The following FHOD3 variants were observed in gnomAD, a reference collection of about 807,000 sequenced individuals.
FHOD3 encodes the protein formin homology 2 domain containing 3.
Under a neutral mutation model 173.0 loss-of-function variants are expected in FHOD3, and 90 were observed. The observed-to-expected ratio is 0.52, with a 90% CI of 0.44 to 0.62. The LOEUF (loss-of-function observed/expected upper bound fraction) is 0.62. Among genes scored for constraint, FHOD3 ranks in the 20% least tolerant of loss-of-function variants. The pLI is 0.00. For synonymous variants in FHOD3, 828 were observed against 823.0 expected (o/e 1.01, Z -0.10); for missense variants, 1,945 against 2,034.7 (o/e 0.96, Z 0.85).
chr18:36,376,884 A>T (rs2047467079), intron 3 of FHOD3, among the ~76,000 whole-genome samples: 1 of 152,234 alleles, frequency 6.6e-6, no homozygotes. Context: ...AGAGTAACAA[A>T]GGGGATTCAT....
At chr18:36,745,575 C>T (rs2042111779) in intron 23 of FHOD3, among the ~76,000 whole-genome samples, 1 of 152,114 alleles carries the variant, frequency 6.6e-6, no homozygotes, top group Admixed American at 6.5e-5. Context: ...AAGGGTGGGC[C>T]TGGAGGTCTG....
chr18:36,375,115 G>T (rs1568188662), intron 3 of FHOD3, among the ~76,000 whole-genome samples: 1 of 152,176 alleles, frequency 6.6e-6, no homozygotes, highest in Non-Finnish European at 1.5e-5. Context: ...TGTTGATGAA[G>T]TACCTTCCCC....
At chr18:36,432,236 TCTA>T (rs2050586049) in intron 3 of FHOD3, among the ~76,000 whole-genome samples, 1 of 152,214 alleles carries the variant, frequency 6.6e-6, no homozygotes, top group South Asian at 2.1e-4. Flanking sequence ...TAATTTAAAA[TCTA>T]CTATACAAAG....
At chr18:36,347,810 A>C (rs1345451193) in intron 1 of FHOD3, among the ~76,000 whole-genome samples, 1 of 152,250 alleles carries the variant, frequency 6.6e-6, no homozygotes, top group Non-Finnish European at 1.5e-5. Flanking sequence ...TTCTCTTAAG[A>C]AAATTGACCA....
At chr18:36,425,073 A>G (rs938138764) in intron 3 of FHOD3, among the ~76,000 whole-genome samples, 1 of 152,214 alleles carries the variant, frequency 6.6e-6, no homozygotes, top group Non-Finnish European at 1.5e-5. Flanking sequence ...TCTTGACTTA[A>G]TAAGGAAAGA....
In FHOD3 at chr18:36,709,322, G is replaced by A. The variant is rs61735998; in HGVS notation, c.2464G>A (p.Val822Ile). 1.1e-5 allele frequency: 17 copies of A among 1,614,116 alleles called. No homozygotes were observed. Among genetic ancestry groups the A allele is most frequent in the Admixed American group, 3.3e-5 (2 of 60,012 alleles). The change falls in exon 18 of 29, where the codon GTC becomes ATC. Residue 822 changes from valine to isoleucine, a missense_variant. Val to Ile is a conservative substitution (Grantham distance 29, BLOSUM62 3). Around this residue, in one of 5 missense-constraint regions of FHOD3, gnomAD observed 1,099 missense variants for 1,051.2 expected, o/e 1.05. Transcript: ENST00000590592. ...GAGGGACAACTGCTCTGCCTCCAGC[G>A]TCTCGTCCTCCAGCAGCACGTTGGA... is the stretch of plus-strand genomic sequence containing the variant. ...NERDNCSASS[V>I]SSSSSTLERE...
chr18:36,303,875 A>G (rs1005896594), intron 1 of FHOD3, among the ~76,000 whole-genome samples: 2 of 151,946 alleles, frequency 1.3e-5, no homozygotes, highest in Non-Finnish European at 2.9e-5. Context: ...TTGGGGGTGA[A>G]GGGGGAGCTG....
chr18:36,663,136 G>C (rs935454994), intron 14 of FHOD3, among the ~76,000 whole-genome samples: 1 of 151,724 alleles, frequency 6.6e-6, no homozygotes, highest in African/African-American at 2.4e-5. Flanking sequence ...TTTTTCTCCT[G>C]GTTTCTTCTA....
chr18:36,486,198 A>G (rs1476295060), intron 3 of FHOD3, among the ~76,000 whole-genome samples: 3 of 152,180 alleles, frequency 2.0e-5, no homozygotes, highest in Non-Finnish European at 4.4e-5. Flanking sequence ...GGTTCTGTCT[A>G]CATCCACCAC....
At chr18:36,477,855 A>G (rs1332206108) in intron 3 of FHOD3, among the ~76,000 whole-genome samples, 1 of 152,160 alleles carries the variant, frequency 6.6e-6, no homozygotes. Context: ...GTAAGGGAGC[A>G]AAGATGGCAG....
At chr18:36,314,762 C>T (rs919824952) in intron 1 of FHOD3, among the ~76,000 whole-genome samples, 1 of 152,164 alleles carries the variant, frequency 6.6e-6, no homozygotes, top group Non-Finnish European at 1.5e-5. Context: ...AAACCAGAGT[C>T]TATCTTTCAG....
chr18:36,530,985 G>A (rs955247818), intron 5 of FHOD3, among the ~76,000 whole-genome samples: 1 of 152,208 alleles, frequency 6.6e-6, no homozygotes, highest in Non-Finnish European at 1.5e-5. Flanking sequence ...TGGTCCCCAA[G>A]GGTCTTGCCT....
At chr18:36,760,857 G>T in intron 27 of FHOD3, 75 bp downstream of exon 27, 1 of 1,454,034 alleles carries the variant, frequency 6.9e-7, no homozygotes, top group Non-Finnish European at 9.2e-7. Flanking sequence ...CTCCATCGCA[G>T]GCTGCGGTCC....
At position 36,297,954 on chromosome 18, in the gene FHOD3, G is replaced by T. The variant is rs868485180; in HGVS notation, c.119G>T (p.Gly40Val). The T allele has an allele frequency of 2.2e-5, 35 of 1,565,524 alleles. No individual in the cohort carries two copies. Among genetic ancestry groups the T allele is most frequent in the Non-Finnish European group, 2.9e-5 (34 of 1,156,982 alleles). ...LFTFREDLAL[G>V]TQLAGVHRLL... ...ACGTTCCGCGAGGACCTCGCGCTCG[G>T]CACCCAGCTGGCGGGGGTCCATAGG... The change falls in exon 1 of 29, where the codon GGC (glycine) becomes GTC (valine). Residue 40 changes from glycine to valine, a missense_variant. Around this residue, in one of 5 missense-constraint regions of FHOD3, gnomAD observed 245 missense variants for 267.7 expected, o/e 0.92. Transcript: ENST00000590592.
intron 6 of FHOD3, among the ~76,000 whole-genome samples, chr18:36,586,256 T>C (rs2059023050): frequency 6.6e-6 from 1 of 152,192 alleles, no homozygotes; most frequent in African/African-American, 2.4e-5. Context: ...ACCTGGGTTT[T>C]TCTTTAACTT....
chr18:36,442,043 G>A (rs754830719), intron 3 of FHOD3, among the ~76,000 whole-genome samples: 2 of 152,216 alleles, frequency 1.3e-5, no homozygotes, highest in Non-Finnish European at 2.9e-5. Flanking sequence ...TAGTGAGAGA[G>A]TGTTATTATT....
intron 15 of FHOD3, among the ~76,000 whole-genome samples, chr18:36,684,442 G>A (rs1055358685): frequency 1.3e-5 from 2 of 151,962 alleles, no homozygotes; most frequent in African/African-American, 2.4e-5. Flanking sequence ...TTATAAACAT[G>A]CTTTAGGAAG....
chr18:36,758,127 A>C (rs1334473801), intron 25 of FHOD3, among the ~76,000 whole-genome samples: 1 of 152,258 alleles, frequency 6.6e-6, no homozygotes, highest in Non-Finnish European at 1.5e-5. Flanking sequence ...ATAAACTGTA[A>C]GAATTTTTTA....
At chr18:36,433,433 C>T (rs949281438) in intron 3 of FHOD3, among the ~76,000 whole-genome samples, 1 of 152,142 alleles carries the variant, frequency 6.6e-6, no homozygotes, top group African/African-American at 2.4e-5. Context: ...CACCAAACTC[C>T]CTGTGTGGAA....
Sources: allele counts gnomAD v4.1 joint callset (sites outside exome capture counted in the v4.1 genomes callset), GRCh38; gene constraint gnomAD v4.1.1; regional missense constraint gnomAD v4.1.1; transcripts MANE v1.5; gene names NCBI Gene and HGNC (gene_info 2026-07-23, HGNC 2026-07-21).